GMDS: variants seen among roughly 807,000 people sequenced by gnomAD.
The protein encoded by GMDS is GDP-mannose 4,6 dehydratase.
Under a neutral mutation model 49.9 loss-of-function variants are expected in GMDS, and 20 were observed. The observed-to-expected ratio is 0.40, with a 90% CI of 0.28 to 0.58. The LOEUF (loss-of-function observed/expected upper bound fraction) is 0.58. Among genes scored for constraint, GMDS ranks in the 20% least tolerant of loss-of-function variants. The pLI is 0.42. For synonymous variants in GMDS, 177 were observed against 178.6 expected (o/e 0.99, Z 0.07); for missense variants, 362 against 481.4 (o/e 0.75, Z 2.32).
At chr6:1,924,593 T>A (rs1417813049) in intron 7 of GMDS, among the ~76,000 whole-genome samples, 8 of 152,230 alleles carry the variant, frequency 5.3e-5, no homozygotes, top group Non-Finnish European at 8.8e-5. Context: ...CATATTTATA[T>A]CAAAGTGGGA....
intron 7 of GMDS, among the ~76,000 whole-genome samples, chr6:1,875,317 T>TACACACAC (rs56053544): frequency 1.3e-5 from 2 of 150,012 alleles, no homozygotes; most frequent in Non-Finnish European, 3.0e-5. Flanking sequence ...TTTTTGTATT[T>TACACACAC]ACACACACAC....
At chr6:2,232,386 C>T (rs1781148532) in intron 1 of GMDS, among the ~76,000 whole-genome samples, 1 of 152,182 alleles carries the variant, frequency 6.6e-6, no homozygotes, top group Non-Finnish European at 1.5e-5. Context: ...CCTTTTGAAA[C>T]ATCAAACCAT....
At chr6:1,653,205 G>A (rs921862792) in intron 9 of GMDS, among the ~76,000 whole-genome samples, 4 of 152,122 alleles carry the variant, frequency 2.6e-5, no homozygotes, top group East Asian at 1.9e-4. Flanking sequence ...GTACACTGCC[G>A]TAGGAAAAAG....
intron 9 of GMDS, among the ~76,000 whole-genome samples, chr6:1,655,835 G>A (rs1763861776): frequency 6.6e-6 from 1 of 152,114 alleles, no homozygotes; most frequent in South Asian, 2.1e-4. Flanking sequence ...CAAAACCGGA[G>A]ACAAGAGCAT....
At chr6:1,911,865 G>T (rs953418789) in intron 7 of GMDS, among the ~76,000 whole-genome samples, 3 of 152,032 alleles carry the variant, frequency 2.0e-5, no homozygotes, top group African/African-American at 7.2e-5. Context: ...ACTAAGCAAG[G>T]TCTTTGAGGG....
At chr6:1,847,141 A>G (rs1757448685) in intron 7 of GMDS, among the ~76,000 whole-genome samples, 1 of 152,066 alleles carries the variant, frequency 6.6e-6, no homozygotes, top group Admixed American at 6.5e-5. Flanking sequence ...ACTGCAGTCT[A>G]CCACTCCTGG....
intron 7 of GMDS, among the ~76,000 whole-genome samples, chr6:1,839,466 C>A (rs931034769): frequency 3.3e-5 from 5 of 152,062 alleles, no homozygotes; most frequent in African/African-American, 1.2e-4. Flanking sequence ...GTGAAATATA[C>A]CCTGGATTTA....
At chr6:1,788,525 G>C (rs1283564513) in intron 7 of GMDS, among the ~76,000 whole-genome samples, 2 of 152,150 alleles carry the variant, frequency 1.3e-5, no homozygotes, top group East Asian at 3.9e-4. Flanking sequence ...GGTAGTTTCT[G>C]ATATTACACT....
At chr6:1,907,175 A>C (rs954525715) in intron 7 of GMDS, among the ~76,000 whole-genome samples, 4 of 152,234 alleles carry the variant, frequency 2.6e-5, no homozygotes, top group African/African-American at 9.6e-5. Context: ...CTTATGGGGA[A>C]GATGGCTTGG....
intron 7 of GMDS, among the ~76,000 whole-genome samples, chr6:1,832,227 C>T (rs993098800): frequency 9.3e-5 from 14 of 151,304 alleles, no homozygotes; most frequent in Middle Eastern, 3.4e-3. Context: ...CCCATCTCTA[C>T]AAAAAATAAG....
intron 4 of GMDS, among the ~76,000 whole-genome samples, chr6:2,060,354 C>A (rs982532610): frequency 2.6e-5 from 4 of 152,192 alleles, no homozygotes; most frequent in Non-Finnish European, 5.9e-5. Flanking sequence ...GGAAGCACAG[C>A]TTGAATATTC....
chr6:2,191,770 A>C lies in GMDS; in HGVS notation c.102+53551T>G, dbSNP rs1459644475. 6.6e-6 allele frequency among the ~76,000 whole-genome samples: 1 copy of C among 152,278 alleles called. No homozygotes were observed. Among genetic ancestry groups the C allele is most frequent in the East Asian group, 1.9e-4 (1 of 5,170 alleles). On this transcript the variant is annotated intron_variant, in intron 1 of 10. Coordinates refer to ENST00000380815, the MANE Select transcript of GMDS (RefSeq NM_001500.4). This position sits in a 1 kb window ranked among gnomAD's most constrained non-coding sequence, Gnocchi z 4.6. ...ATGCTGGCCTGCAGGTACCCCATGG[A>C]TGAGCAGCCTGGGTACCACAGACCA... is the stretch of plus-strand genomic sequence containing the variant.
intron 4 of GMDS, among the ~76,000 whole-genome samples, chr6:2,004,309 G>A (rs115306085): frequency 0.011 from 1,707 of 152,182 alleles, 36 homozygotes; most frequent in African/African-American, 0.04. Context: ...AGTGCTTTGT[G>A]GAGATCATGA....
intron 7 of GMDS, among the ~76,000 whole-genome samples, chr6:1,914,143 T>TG (rs1178465751): frequency 3.4e-5 from 5 of 147,290 alleles, no homozygotes; most frequent in East Asian, 2.0e-4. Flanking sequence ...TTTTTTTTTT[T>TG]TTTTTTTTTT....
At chr6:1,835,049 C>A (rs1196065332) in intron 7 of GMDS, among the ~76,000 whole-genome samples, 5 of 151,918 alleles carry the variant, frequency 3.3e-5, no homozygotes, top group Non-Finnish European at 7.4e-5. Context: ...TTAATTAGTT[C>A]TCTACTGATA....
intron 4 of GMDS, among the ~76,000 whole-genome samples, chr6:2,048,150 C>A (rs534507133): frequency 2.2e-4 from 33 of 152,058 alleles, no homozygotes; most frequent in Non-Finnish European, 4.0e-4. Flanking sequence ...CTGCAAAGAT[C>A]AAAAAACTGG....
intron 7 of GMDS, among the ~76,000 whole-genome samples, chr6:1,862,390 C>A (rs767231371): frequency 1.5e-3 from 223 of 151,948 alleles, no homozygotes; most frequent in Non-Finnish European, 2.6e-3. Flanking sequence ...GGCACAGCTT[C>A]GAATCCGGGG....
chr6:1,815,679 C>T (rs548618368), intron 7 of GMDS, among the ~76,000 whole-genome samples: 2 of 152,272 alleles, frequency 1.3e-5, no homozygotes, highest in African/African-American at 4.8e-5. Flanking sequence ...TAAACATAAA[C>T]CCACTCCCAC....
intron 9 of GMDS, among the ~76,000 whole-genome samples, chr6:1,719,828 G>A (rs1766310354): frequency 6.6e-6 from 1 of 152,210 alleles, no homozygotes; most frequent in African/African-American, 2.4e-5. Context: ...GAAAGTTGAT[G>A]CAGATGCTAA....
Sources: gnomAD v4.1 joint callset for allele counts (sites outside exome capture counted in the v4.1 genomes callset) on GRCh38, gnomAD v4.1.1 for gene constraint, Gnocchi (gnomAD v3.1) non-coding constraint, MANE v1.5 for transcripts, NCBI Gene and HGNC (gene_info 2026-07-23, HGNC 2026-07-21) for gene names.